The following RHBDD1 variants were observed in gnomAD, a reference collection of about 807,000 sequenced individuals.
RHBDD1 encodes the protein rhomboid-related protein 4.
RHBDD1 carries 38 observed loss-of-function variants against 36.3 expected under a neutral mutation model. The observed-to-expected ratio is 1.05, with a 90% CI of 0.81 to 1.37. RHBDD1 has a LOEUF of 1.37. Among genes scored for constraint, RHBDD1 ranks in the 40% most tolerant of loss-of-function variants. The pLI, the probability that RHBDD1 is intolerant of heterozygous loss-of-function variation, is 0.00. For synonymous variants in RHBDD1, 151 were observed against 136.5 expected (o/e 1.11, Z -0.74); for missense variants, 393 against 377.6 (o/e 1.04, Z -0.34).
At chr2:226,912,143 A>G (rs1051881884) in intron 7 of RHBDD1, among the ~76,000 whole-genome samples, 2 of 152,164 alleles carry the variant, frequency 1.3e-5, no homozygotes, top group Non-Finnish European at 2.9e-5. Context: ...AGTCATCAAA[A>G]CCACAGTGAG....
At chr2:226,841,926 A>G (rs1292057322) in intron 3 of RHBDD1, among the ~76,000 whole-genome samples, 3 of 152,156 alleles carry the variant, frequency 2.0e-5, no homozygotes, top group Non-Finnish European at 2.9e-5. Context: ...GTGTAGTAGC[A>G]TTCTGTTTTC....
At chr2:226,990,617 G>A (rs976750392) in intron 8 of RHBDD1, among the ~76,000 whole-genome samples, 4 of 152,048 alleles carry the variant, frequency 2.6e-5, no homozygotes, top group African/African-American at 4.8e-5. Context: ...ATTCTTATCT[G>A]GACAAAATTG....
At chr2:226,932,885 G>T (rs531234505) in intron 8 of RHBDD1, among the ~76,000 whole-genome samples, 1 of 152,076 alleles carries the variant, frequency 6.6e-6, no homozygotes, top group South Asian at 2.1e-4. Flanking sequence ...CTGCTAGTCC[G>T]TTCTCACACT....
At chr2:226,872,638 ATGT>A (rs918284839) in intron 5 of RHBDD1, among the ~76,000 whole-genome samples, 1 of 152,204 alleles carries the variant, frequency 6.6e-6, no homozygotes, top group African/African-American at 2.4e-5. Context: ...ATTGAATCAA[ATGT>A]TGTCATTGAC....
intron 8 of RHBDD1, among the ~76,000 whole-genome samples, chr2:226,957,323 T>C (rs1237638047): frequency 6.6e-6 from 1 of 152,180 alleles, no homozygotes; most frequent in Non-Finnish European, 1.5e-5. Flanking sequence ...GACATCTTCA[T>C]GACCTTGGAT....
chr2:226,988,267 G>T, intron 8 of RHBDD1: 1 of 1,462,902 alleles, frequency 6.8e-7, no homozygotes, highest in Non-Finnish European at 9.2e-7. Context: ...AGGGCCCTGA[G>T]GAGGCCACTG....
At chr2:226,956,632 C>T (rs1214497588) in intron 8 of RHBDD1, among the ~76,000 whole-genome samples, 1 of 152,112 alleles carries the variant, frequency 6.6e-6, no homozygotes, top group Non-Finnish European at 1.5e-5. Flanking sequence ...TGACTTGGGG[C>T]CCAGAATCTT....
chr2:226,832,656 C>T (rs956340196), upstream of RHBDD1, among the ~76,000 whole-genome samples: 1 of 152,198 alleles, frequency 6.6e-6, no homozygotes, highest in East Asian at 1.9e-4. Context: ...GGTGCATATA[C>T]ATTTATAACT....
intron 8 of RHBDD1, among the ~76,000 whole-genome samples, chr2:226,923,304 A>T (rs979041353): frequency 1.3e-4 from 19 of 151,478 alleles, no homozygotes; most frequent in Non-Finnish European, 1.0e-4. Context: ...TATAGGATAA[A>T]TTTTTTTTTC....
At chr2:226,957,865 A>G (rs2149251609) in intron 8 of RHBDD1, among the ~76,000 whole-genome samples, 1 of 152,082 alleles carries the variant, frequency 6.6e-6, no homozygotes, top group African/African-American at 2.4e-5. Context: ...GTCCACTAGG[A>G]TGGCTATAGT....
At chr2:226,939,274 G>A (rs1312742073) in intron 8 of RHBDD1, among the ~76,000 whole-genome samples, 1 of 152,160 alleles carries the variant, frequency 6.6e-6, no homozygotes, top group Admixed American at 6.5e-5. Context: ...GGAAGTTCCG[G>A]CCAGGGCAAT....
At chr2:226,890,217 G>A (rs991083420) in intron 5 of RHBDD1, among the ~76,000 whole-genome samples, 1 of 152,160 alleles carries the variant, frequency 6.6e-6, no homozygotes, top group Admixed American at 6.5e-5. Flanking sequence ...GACCTAATAA[G>A]TGAGTACTTA....
intron 5 of RHBDD1, among the ~76,000 whole-genome samples, chr2:226,897,577 C>A (rs907110109): frequency 2.6e-5 from 4 of 152,204 alleles, no homozygotes; most frequent in African/African-American, 9.7e-5. Context: ...AGGCCTCAGG[C>A]TACTTCCACT....
At chr2:226,916,448 C>T (rs1948917136) in intron 8 of RHBDD1, among the ~76,000 whole-genome samples, 1 of 152,146 alleles carries the variant, frequency 6.6e-6, no homozygotes, top group Non-Finnish European at 1.5e-5. Context: ...TTAATCACCA[C>T]TGGGCTATCC....
At chr2:226,801,977 A>G in the RHBDD1 span, among the ~76,000 whole-genome samples, 1 of 152,038 alleles carries the variant, frequency 6.6e-6, no homozygotes, top group South Asian at 2.1e-4. Flanking sequence ...AAATCCATGG[A>G]CATTTACTTT....
chr2:226,967,378 T>G (rs1559321034), intron 8 of RHBDD1, among the ~76,000 whole-genome samples: 1 of 152,098 alleles, frequency 6.6e-6, no homozygotes, highest in Non-Finnish European at 1.5e-5. Context: ...AGAATTCTTT[T>G]TTTCTTTATT....
rs1180445603 is a variant in RHBDD1 at position 226,867,303 on chromosome 2, A to G, written c.551A>G (p.His184Arg). Residue 184 changes from histidine (H) to arginine (R), a missense_variant, in exon 5 of 9, where the codon CAT (histidine) becomes CGT (arginine). Coordinates refer to ENST00000392062, the MANE Select transcript of RHBDD1 (RefSeq NM_001167608.3). ...TGTTGGGTCGAACTTGTGGCTATTC[A>G]TTTATTCTCACCAGGGTAAGTGTTT... ...FACWVELVAI[H>R]LFSPGTSFAG... 5.6e-6 allele frequency: 9 copies of G among 1,613,340 alleles called. No homozygotes were observed. Among genetic ancestry groups the G allele is most frequent in the Non-Finnish European group, 7.6e-6 (9 of 1,179,860 alleles).
At chr2:226,889,235 G>T (rs1946484966) in intron 5 of RHBDD1, among the ~76,000 whole-genome samples, 1 of 152,170 alleles carries the variant, frequency 6.6e-6, no homozygotes, top group African/African-American at 2.4e-5. Flanking sequence ...CAGAGCTGTT[G>T]TCACCCATTC....
At chr2:226,979,353 A>G (rs115377315) in intron 8 of RHBDD1, among the ~76,000 whole-genome samples, 122 of 152,306 alleles carry the variant, frequency 8.0e-4, no homozygotes, top group African/African-American at 2.9e-3. Flanking sequence ...GAAAAAAGGA[A>G]AAAACTCAGC....
Sources: allele counts gnomAD v4.1 joint callset (sites outside exome capture counted in the v4.1 genomes callset), GRCh38; gene constraint gnomAD v4.1.1; transcripts MANE v1.5; gene names NCBI Gene and HGNC (gene_info 2026-07-23, HGNC 2026-07-21).